RELN: variants seen among roughly 807,000 people sequenced by gnomAD.
RELN encodes reelin.
In RELN, 108 loss-of-function variants were observed where a neutral mutation model predicts 427.6. The observed-to-expected ratio is 0.25, with a 90% confidence interval of 0.22 to 0.30. The LOEUF is 0.30. RELN is among the 10% of genes least tolerant of loss of function. The pLI, the probability that RELN is intolerant of heterozygous loss-of-function variation, is 1.00. For missense variants in RELN, 3,715 were observed against 4,302.8 expected, an observed-to-expected ratio of 0.86 and a Z score of 3.82; for synonymous variants, 1,524 against 1,513.4, an observed-to-expected ratio of 1.01 and a Z score of -0.16.
intron 3 of RELN, among the ~76,000 whole-genome samples, chr7:103,791,780 TTTAA>T (rs941132286): frequency 5.1e-5 from 4 of 78,020 alleles, no homozygotes; most frequent in Admixed American, 1.1e-4. Flanking sequence ...TTAAAAAGTT[TTTAA>T]AAAAAAAGAC....
intron 2 of RELN, among the ~76,000 whole-genome samples, chr7:103,886,926 T>C (rs890173854): frequency 4.6e-5 from 7 of 152,126 alleles, no homozygotes; most frequent in Non-Finnish European, 8.8e-5. Context: ...AACAGACAAA[T>C]ACATGTAGCA....
chr7:103,678,351 G>A (rs2073558), intron 11 of RELN, among the ~76,000 whole-genome samples: 35,179 of 152,058 alleles, frequency 0.23, 4,857 homozygotes, highest in South Asian at 0.37. Context: ...AGTTCAGAAA[G>A]ACTCACATAA....
At chr7:103,542,695 A>G in intron 43 of RELN, 36 bp downstream of exon 43, 1 of 1,611,392 alleles carries the variant, frequency 6.2e-7, no homozygotes, top group Non-Finnish European at 8.5e-7. Flanking sequence ...ATACATTACG[A>G]TGTGGTTTTT....
At chr7:103,922,440 C>T (rs946506382) in intron 1 of RELN, among the ~76,000 whole-genome samples, 10 of 152,074 alleles carry the variant, frequency 6.6e-5, no homozygotes, top group Non-Finnish European at 1.3e-4. Flanking sequence ...AGTTACACTG[C>T]CATTTCCTCA....
At chr7:103,787,798 A>T (rs899642762) in intron 3 of RELN, among the ~76,000 whole-genome samples, 3 of 152,208 alleles carry the variant, frequency 2.0e-5, no homozygotes, top group Non-Finnish European at 4.4e-5. Context: ...TATTCCAAAC[A>T]TCAGAAAAAG....
chr7:103,926,322 T>C (rs1461808789), intron 1 of RELN, among the ~76,000 whole-genome samples: 2 of 152,006 alleles, frequency 1.3e-5, no homozygotes, highest in Non-Finnish European at 2.9e-5. Context: ...TCTCGATCTC[T>C]TGACCTTGTG....
rs370006000 is a variant in RELN at position 103,650,426 on chromosome 7, A to G, written c.1893-43T>C. ...CAAAACCATCTTCACAACTATGTTCATATCTTTAGAATCTATTTTACATGG... is the reference window on the plus strand; with the variant it reads ...CAAAACCATCTTCACAACTATGTTCGTATCTTTAGAATCTATTTTACATGG... On this transcript the variant is annotated intron_variant, in intron 15 of 64. Coordinates refer to ENST00000428762, the MANE Select transcript of RELN (RefSeq NM_005045.4). 42 of 1,147,408 alleles carry G rather than the reference A, an allele frequency of 3.7e-5. No individual in the cohort carries two copies. In the Middle Eastern group the frequency reaches 9.7e-4, roughly 26 times the overall value. 71.1% of individuals were successfully genotyped at this position (1,147,408 alleles called of 1,614,324 possible). A position where few individuals can be genotyped will look rare whatever the true frequency, so the allele number is the denominator to read the frequency against.
intron 4 of RELN, among the ~76,000 whole-genome samples, chr7:103,765,643 A>G (rs1044969437): frequency 1.3e-5 from 2 of 152,242 alleles, no homozygotes; most frequent in African/African-American, 2.4e-5. Context: ...TGTTTGTAAC[A>G]GCTTTGCCCT....
chr7:103,776,046 C>T (rs564608638), intron 4 of RELN, among the ~76,000 whole-genome samples: 25 of 152,258 alleles, frequency 1.6e-4, no homozygotes, highest in Non-Finnish European at 3.4e-4. Flanking sequence ...GTGCATGCAT[C>T]CCGGTCACAT....
At chr7:103,792,647 A>T (rs1435437798) in intron 3 of RELN, among the ~76,000 whole-genome samples, 1 of 152,018 alleles carries the variant, frequency 6.6e-6, no homozygotes, top group Non-Finnish European at 1.5e-5. Flanking sequence ...TGTTATAAAA[A>T]TTTTTATAAT....
At chr7:103,504,792 C>T (rs936516538) in intron 51 of RELN, among the ~76,000 whole-genome samples, 3 of 152,218 alleles carry the variant, frequency 2.0e-5, no homozygotes, top group African/African-American at 7.2e-5. Context: ...CAGTGAGTCC[C>T]ACCCCCACGG....
chr7:103,576,049 G>A (rs1485855376), intron 28 of RELN, among the ~76,000 whole-genome samples: 3 of 152,058 alleles, frequency 2.0e-5, no homozygotes, highest in East Asian at 1.9e-4. Flanking sequence ...TGGCTAACAC[G>A]GTGAAACCCT....
intron 11 of RELN, among the ~76,000 whole-genome samples, chr7:103,681,517 G>A (rs1300804749): frequency 6.6e-6 from 1 of 151,762 alleles, no homozygotes; most frequent in Non-Finnish European, 1.5e-5. Flanking sequence ...ACTTCTGAAA[G>A]TGCTGCCCAA....
chr7:103,924,329 G>A (rs1212929608), intron 1 of RELN, among the ~76,000 whole-genome samples: 1 of 152,104 alleles, frequency 6.6e-6, no homozygotes, highest in Non-Finnish European at 1.5e-5. Flanking sequence ...GCTGTTCTTT[G>A]AGGGGGAGAA....
At chr7:103,959,879 C>T (rs754465560) in intron 1 of RELN, among the ~76,000 whole-genome samples, 9 of 152,144 alleles carry the variant, frequency 5.9e-5, no homozygotes, top group Non-Finnish European at 1.3e-4. Flanking sequence ...AGAATACAGG[C>T]ATGAGCCACT....
chr7:103,985,878 G>C (rs1048012756), intron 1 of RELN, among the ~76,000 whole-genome samples: 1 of 152,052 alleles, frequency 6.6e-6, no homozygotes, highest in African/African-American at 2.4e-5. Flanking sequence ...CTGATTACGG[G>C]GCATGGCTGG....
At chr7:103,806,355 C>T (rs1584255477) in intron 3 of RELN, among the ~76,000 whole-genome samples, 1 of 151,974 alleles carries the variant, frequency 6.6e-6, no homozygotes, top group South Asian at 2.1e-4. Flanking sequence ...GACAGAGTCT[C>T]GCTCTGTCAC....
chr7:103,953,827 G>T lies in RELN; in HGVS notation c.226+35304C>A, dbSNP rs1467241897. On this transcript the variant is annotated intron_variant, in intron 1 of 64. Coordinates refer to ENST00000428762, the MANE Select transcript of RELN (RefSeq NM_005045.4). The surrounding 1 kb of genome is among the most constrained non-coding windows in gnomAD (Gnocchi z 4.3). ...CACGCCTATAATCCCAACTACTCGG[G>T]AGACTGAGGCAGGAGAATCCCCTCA... 6.6e-6 allele frequency among the ~76,000 whole-genome samples: 1 copy of T among 152,096 alleles called. No individual in the cohort carries two copies. The highest frequency in any genetic ancestry group is 2.4e-5 in the African/African-American group (1 of 41,398).
intron 63 of RELN, chr7:103,482,401 C>T (rs918211903): frequency 2.1e-5 from 4 of 193,464 alleles, no homozygotes; most frequent in East Asian, 1.3e-4. Flanking sequence ...TGGGATTGGT[C>T]AGGAGGAATC....
Sources: gnomAD v4.1 joint callset for allele counts (sites outside exome capture counted in the v4.1 genomes callset) on GRCh38, gnomAD v4.1.1 for gene constraint, Gnocchi (gnomAD v3.1) non-coding constraint, MANE v1.5 for transcripts, NCBI Gene and HGNC (gene_info 2026-07-23, HGNC 2026-07-21) for gene names.